The following RYR3 variants were observed in gnomAD, a reference collection of about 807,000 sequenced individuals.
RYR3 encodes the protein brain ryanodine receptor-calcium release channel.
Under a neutral mutation model 584.3 loss-of-function variants are expected in RYR3, and 207 were observed. The ratio of observed to expected loss-of-function variants is 0.35; its 90% confidence interval spans 0.32 to 0.40. The LOEUF is 0.40. Ranked by LOEUF, RYR3 falls within the 10% of genes least tolerant of loss-of-function variation. The pLI is 1.00. For synonymous variants in RYR3, 2,416 were observed against 2,248.5 expected (o/e 1.07, Z -2.11); for missense variants, 5,616 against 6,089.2 (o/e 0.92, Z 2.59).
At chr15:33,505,257 A>C (rs1350644547) in intron 3 of RYR3, among the ~76,000 whole-genome samples, 1 of 152,204 alleles carries the variant, frequency 6.6e-6, no homozygotes, top group Non-Finnish European at 1.5e-5. Flanking sequence ...GTGTTCTGTG[A>C]ATTAGATCTC....
intron 3 of RYR3, among the ~76,000 whole-genome samples, chr15:33,511,605 TTAA>T (rs2053013803): frequency 6.7e-6 from 1 of 149,908 alleles, no homozygotes; most frequent in Non-Finnish European, 1.5e-5. Flanking sequence ...GTCTCTGCAA[TTAA>T]AAAAAAAAAA....
At position 33,729,167 on chromosome 15, in the gene RYR3, A is replaced by T. The variant is rs962647442; in HGVS notation, c.7203+141A>T. The T allele has an allele frequency of 4.5e-5, 33 of 735,138 alleles. 1 individual carries two copies. The highest frequency in any genetic ancestry group is 1.8e-4 in the African/African-American group (10 of 56,286). The allele number at this position is 735,138 out of a possible 1,614,324, so 45.5% of individuals were successfully genotyped here. ...TAATGGGTGAGAAAATAGAGGTATC[A>T]TGAAATGGAAGATCTTAATTTATTG... On this transcript the variant is annotated intron_variant, in intron 47 of 103. Transcript: ENST00000634891.
chr15:33,750,651 C>T (rs1360221729), intron 57 of RYR3, among the ~76,000 whole-genome samples: 1 of 152,148 alleles, frequency 6.6e-6, no homozygotes, highest in Non-Finnish European at 1.5e-5. Context: ...AACCTCAAAG[C>T]TTTGGAATTT....
intron 1 of RYR3, among the ~76,000 whole-genome samples, chr15:33,393,257 G>A (rs1237534426): frequency 1.3e-5 from 2 of 152,226 alleles, no homozygotes; most frequent in Non-Finnish European, 2.9e-5. Context: ...TCCCAGGACT[G>A]AAAGAAACCT....
intron 27 of RYR3, among the ~76,000 whole-genome samples, chr15:33,637,986 T>G (rs2061589778): frequency 6.6e-6 from 1 of 152,106 alleles, no homozygotes; most frequent in Admixed American, 6.5e-5. Context: ...CGGTGTGTGA[T>G]GTTCCCCTTC....
intron 10 of RYR3, among the ~76,000 whole-genome samples, chr15:33,552,223 C>T (rs1361064332): frequency 6.6e-6 from 1 of 152,122 alleles, no homozygotes; most frequent in Non-Finnish European, 1.5e-5. Context: ...TTGGCTCAGC[C>T]TTGTGGAGCA....
At chr15:33,478,788 A>C (rs1372804183) in intron 2 of RYR3, among the ~76,000 whole-genome samples, 1 of 152,212 alleles carries the variant, frequency 6.6e-6, no homozygotes, top group Non-Finnish European at 1.5e-5. Context: ...TTAATAGTAG[A>C]TCATCATCAA....
At chr15:33,757,217 A>C (rs1331230969) in intron 59 of RYR3, among the ~76,000 whole-genome samples, 3 of 151,706 alleles carry the variant, frequency 2.0e-5, no homozygotes, top group Non-Finnish European at 4.4e-5. Flanking sequence ...GTCTCGTAGG[A>C]CTCCTCTGCA....
intron 3 of RYR3, among the ~76,000 whole-genome samples, chr15:33,507,907 A>G (rs938812030): frequency 8.5e-5 from 13 of 152,174 alleles, no homozygotes; most frequent in African/African-American, 3.1e-4. Flanking sequence ...TTTGAAAATA[A>G]AAGTATTGGT....
intron 32 of RYR3, among the ~76,000 whole-genome samples, chr15:33,655,062 A>G (rs553117579): frequency 1.3e-5 from 2 of 152,354 alleles, no homozygotes; most frequent in African/African-American, 4.8e-5. Context: ...CACCTCCTGC[A>G]GTGCATGACC....
At chr15:33,465,080 T>G (rs2048377076) in intron 1 of RYR3, among the ~76,000 whole-genome samples, 1 of 152,342 alleles carries the variant, frequency 6.6e-6, no homozygotes, top group South Asian at 2.1e-4. Context: ...TGCCCTTCTT[T>G]TTAAGGCTGA....
chr15:33,533,136 T>TA (rs2055025113), intron 4 of RYR3, among the ~76,000 whole-genome samples, 175 bp from the exon 5 acceptor site: 1 of 151,974 alleles, frequency 6.6e-6, no homozygotes, highest in African/African-American at 2.4e-5. Flanking sequence ...TAATAATAAT[T>TA]AAAAATGAAA....
intron 15 of RYR3, among the ~76,000 whole-genome samples, chr15:33,585,233 T>C (rs1376620303): frequency 1.3e-5 from 2 of 152,208 alleles, no homozygotes; most frequent in African/African-American, 4.8e-5. Flanking sequence ...GCCTCTTTTT[T>C]CTTCAGTGCC....
At chr15:33,410,069 A>T (rs143050996) in intron 1 of RYR3, among the ~76,000 whole-genome samples, 1 of 152,270 alleles carries the variant, frequency 6.6e-6, no homozygotes, top group East Asian at 1.9e-4. Flanking sequence ...TTTTCTGAAC[A>T]TAGAAAAACC....
At chr15:33,557,352 G>A (rs140895963) in intron 10 of RYR3, among the ~76,000 whole-genome samples, 214 of 152,296 alleles carry the variant, frequency 1.4e-3, no homozygotes, top group African/African-American at 4.5e-3. Flanking sequence ...GAACCAGACC[G>A]GGGCAACTAT....
intron 1 of RYR3, among the ~76,000 whole-genome samples, chr15:33,435,198 G>A (rs2045559511): frequency 6.6e-6 from 1 of 152,134 alleles, no homozygotes; most frequent in Non-Finnish European, 1.5e-5. Context: ...TTGTTGTACA[G>A]ATCATTTCAT....
chr15:33,435,317 G>A lies in RYR3; in HGVS notation c.52-38102G>A, dbSNP rs146803713. 2.1e-3 allele frequency among the ~76,000 whole-genome samples: 323 copies of A among 150,424 alleles called. 1 individual carries two copies. Among genetic ancestry groups the A allele is most frequent in the African/African-American group, 7.3e-3 (290 of 39,960 alleles). On this transcript the variant is annotated intron_variant, in intron 1 of 103. Coordinates refer to ENST00000634891, the MANE Select transcript of RYR3 (RefSeq NM_001036.6). ...GTGTCATACTCTCTGTATTTTTCTG[G>A]AACTACTTTTGTTAATGTTGTGAGT... is the stretch of plus-strand genomic sequence containing the variant.
chr15:33,834,205 A>G (rs1310529974), intron 86 of RYR3, among the ~76,000 whole-genome samples: 1 of 151,956 alleles, frequency 6.6e-6, no homozygotes, highest in Non-Finnish European at 1.5e-5. Context: ...AATCATTTGA[A>G]CCCAGTGAGC....
intron 12 of RYR3, among the ~76,000 whole-genome samples, chr15:33,579,094 A>C (rs1484244332): frequency 6.6e-6 from 1 of 152,182 alleles, no homozygotes; most frequent in Non-Finnish European, 1.5e-5. Context: ...GAGAGATGGA[A>C]GGGCAGGTAA....
Sources: gnomAD v4.1 joint callset for allele counts (sites outside exome capture counted in the v4.1 genomes callset) on GRCh38, gnomAD v4.1.1 for gene constraint, MANE v1.5 for transcripts, NCBI Gene and HGNC (gene_info 2026-07-23, HGNC 2026-07-21) for gene names.